Variants in SLCO5A1 observed in about 807,000 individuals in gnomAD.
SLCO5A1 encodes solute carrier organic anion transporter family member 5A1.
A neutral mutation model predicts 65.1 loss-of-function variants in SLCO5A1; 39 were observed. That is an observed-to-expected ratio of 0.60 (90% CI 0.46 to 0.78). SLCO5A1 has a LOEUF of 0.78. SLCO5A1 is among the 30% of genes least tolerant of loss of function. SLCO5A1 has a pLI of 0.00. For synonymous variants in SLCO5A1, 438 were observed against 415.7 expected (o/e 1.05, Z -0.65); for missense variants, 1,029 against 1,069.4 (o/e 0.96, Z 0.53).
At chr8:69,811,587 G>C (rs773377761) in intron 2 of SLCO5A1, among the ~76,000 whole-genome samples, 2 of 152,168 alleles carry the variant, frequency 1.3e-5, no homozygotes. Flanking sequence ...ACCCAAGCAA[G>C]AGTCGTCAAC....
intron 3 of SLCO5A1, among the ~76,000 whole-genome samples, chr8:69,756,167 T>C (rs1024055530): frequency 2.6e-5 from 4 of 152,198 alleles, no homozygotes; most frequent in Non-Finnish European, 4.4e-5. Flanking sequence ...CTCACACCTA[T>C]AATCCCAGCA....
At chr8:69,746,365 A>G (rs1157290316) in intron 4 of SLCO5A1, among the ~76,000 whole-genome samples, 1 of 152,228 alleles carries the variant, frequency 6.6e-6, no homozygotes, top group East Asian at 1.9e-4. Context: ...TCTTATATAA[A>G]AGTACATTTT....
chr8:69,735,521 G>A (rs912093041), intron 5 of SLCO5A1, among the ~76,000 whole-genome samples: 1 of 152,068 alleles, frequency 6.6e-6, no homozygotes, highest in Non-Finnish European at 1.5e-5. Context: ...CATATGCAGG[G>A]GCATGGATGG....
At chr8:69,795,019 T>A (rs1000351012) in intron 2 of SLCO5A1, among the ~76,000 whole-genome samples, 1 of 152,128 alleles carries the variant, frequency 6.6e-6, no homozygotes, top group East Asian at 1.9e-4. Context: ...GAGGGGATGG[T>A]GCTAAACCAT....
chr8:69,669,364 C>T lies in SLCO5A1; in HGVS notation c.*3505G>A, dbSNP rs999444738. The T allele has an allele frequency of 2.0e-5, 3 of 152,022 alleles. No individual in the cohort carries two copies. The highest frequency in any genetic ancestry group is 4.4e-5 in the Non-Finnish European group (3 of 68,018). 9.4% of individuals were successfully genotyped at this position (152,022 alleles called of 1,614,324 possible). ...TCTCACGATTTTATAGTCACCTTGC[C>T]TTTGTTAACCAAAAGCTATTGTATA... is the stretch of plus-strand genomic sequence containing the variant. On this transcript the variant is annotated 3_prime_UTR_variant, in exon 10 of 10. Transcript: ENST00000260126.
chr8:69,723,161 A>AT (rs201960104), intron 5 of SLCO5A1, among the ~76,000 whole-genome samples: 2,062 of 152,270 alleles, frequency 0.014, 47 homozygotes, highest in African/African-American at 0.046. Flanking sequence ...CATTAAAACT[A>AT]TTTTTTATTC....
At chr8:69,785,050 GAGAA>G (rs1030039846) in intron 2 of SLCO5A1, among the ~76,000 whole-genome samples, 9 of 150,494 alleles carry the variant, frequency 6.0e-5, no homozygotes, top group South Asian at 4.3e-4. Context: ...GAGAGAGAGA[GAGAA>G]AGGAAGAAAG....
rs1240710547 is a variant in SLCO5A1 at position 69,672,727 on chromosome 8, G to A, written c.*142C>T. 2 of 857,728 alleles carry A rather than the reference G, an allele frequency of 2.3e-6. No individual in the cohort carries two copies. The highest frequency in any genetic ancestry group is 1.7e-6 in the Non-Finnish European group (1 of 573,558). 53.1% of individuals were successfully genotyped at this position (857,728 alleles called of 1,614,324 possible). On this transcript the variant is annotated 3_prime_UTR_variant, in exon 10 of 10. Coordinates refer to ENST00000260126, the MANE Select transcript of SLCO5A1 (RefSeq NM_030958.3). Reference sequence around the variant, plus strand: ...GGTATCCAGCCCTCAATGAATAGCGGCTGTGTATACTGAGTTTTGTTGGTT... The same window carrying A: ...GGTATCCAGCCCTCAATGAATAGCGACTGTGTATACTGAGTTTTGTTGGTT...
At chr8:69,742,951 C>T (rs1816855817) in intron 4 of SLCO5A1, among the ~76,000 whole-genome samples, 1 of 152,032 alleles carries the variant, frequency 6.6e-6, no homozygotes, top group African/African-American at 2.4e-5. Context: ...CAGACACTTG[C>T]CACCATGCCT....
chr8:69,821,566 TG>T (rs1820644751), intron 2 of SLCO5A1, among the ~76,000 whole-genome samples: 1 of 151,934 alleles, frequency 6.6e-6, no homozygotes, highest in Non-Finnish European at 1.5e-5. Flanking sequence ...CCCAGCACTT[TG>T]GGAGGCTGAG....
At chr8:69,716,955 T>C (rs1586720099) in intron 5 of SLCO5A1, among the ~76,000 whole-genome samples, 1 of 152,192 alleles carries the variant, frequency 6.6e-6, no homozygotes, top group Middle Eastern at 3.4e-3. Context: ...AATTTTTGTA[T>C]TTTTTATGGA....
intron 5 of SLCO5A1, among the ~76,000 whole-genome samples, chr8:69,735,396 A>G (rs1816510547): frequency 6.6e-6 from 1 of 152,226 alleles, no homozygotes; most frequent in Admixed American, 6.5e-5. Context: ...ATTATTTACA[A>G]TAGCAAAGAC....
chr8:69,755,989 A>G (rs1198592611), intron 3 of SLCO5A1, among the ~76,000 whole-genome samples: 1 of 152,274 alleles, frequency 6.6e-6, no homozygotes, highest in Admixed American at 6.5e-5. Flanking sequence ...TATAAATTCA[A>G]TAGAAAAATA....
chr8:69,705,319 G>A, intron 5 of SLCO5A1, 90 bp from the exon 6 acceptor site: 1 of 1,252,240 alleles, frequency 8.0e-7, no homozygotes, highest in Admixed American at 2.3e-5. Context: ...TAGTACTGAG[G>A]TAAAAAATCA....
In SLCO5A1 at chr8:69,676,756, AGCCAGGGACTAAAGATGCCAT is replaced by A. The variant is rs1184655149; in HGVS notation, c.2025-104_2025-84del. Reference sequence around the variant, plus strand: ...GTCAAATCAAGTCGGCTTTGTGCAGAGCCAGGGACTAAAGATGCCATGCCAAAATATTTAATTCACTATTAT... The same window carrying A: ...GTCAAATCAAGTCGGCTTTGTGCAGAGCCAAAATATTTAATTCACTATTAT... On this transcript the variant is annotated intron_variant, in intron 8 of 9. Transcript: ENST00000260126. The A allele has an allele frequency of 2.5e-5, 30 of 1,177,744 alleles. No homozygotes were observed. In the Admixed American group the frequency reaches 5.3e-4, roughly 21 times the overall value. 73.0% of individuals were successfully genotyped at this position (1,177,744 alleles called of 1,614,324 possible). A position where few individuals can be genotyped will look rare whatever the true frequency, so the allele number is the denominator to read the frequency against.
rs184915027 is a variant in SLCO5A1 at position 69,767,627 on chromosome 8, C to T, written c.908-5752G>A. 3.9e-5 allele frequency among the ~76,000 whole-genome samples: 6 copies of T among 152,188 alleles called. No individual in the cohort carries two copies. The East Asian group carries it at 9.7e-4, about 25-fold the overall frequency. On this transcript the variant is annotated intron_variant, in intron 2 of 9. Coordinates refer to ENST00000260126, the MANE Select transcript of SLCO5A1 (RefSeq NM_030958.3). ...CTGTTTTAGGCCAGGCATGGTGGCT[C>T]ATGCCTGTAATCCCAGCATTTTGGG...
At chr8:69,784,928 AAGAAAG>A (rs1182163843) in intron 2 of SLCO5A1, among the ~76,000 whole-genome samples, 7 of 143,876 alleles carry the variant, frequency 4.9e-5, no homozygotes, top group Non-Finnish European at 6.0e-5. Context: ...GAAAGAAAGA[AAGAAAG>A]AAAGAAAGAA....
At chr8:69,822,810 T>C (rs544145465) in intron 2 of SLCO5A1, among the ~76,000 whole-genome samples, 2 of 152,182 alleles carry the variant, frequency 1.3e-5, no homozygotes, top group African/African-American at 2.4e-5. Flanking sequence ...CCATGACCAG[T>C]TGTTGGTAGA....
At chr8:69,834,751 CA>C (rs1821349076) in intron 1 of SLCO5A1, 102 bp downstream of exon 1, 1 of 78,562 alleles carries the variant, frequency 1.3e-5, no homozygotes, top group African/African-American at 5.4e-5. Context: ...CACACACACA[CA>C]CACACACACA....
Sources: gnomAD v4.1 joint callset for allele counts (sites outside exome capture counted in the v4.1 genomes callset) on GRCh38, gnomAD v4.1.1 for gene constraint, MANE v1.5 for transcripts, NCBI Gene and HGNC (gene_info 2026-07-23, HGNC 2026-07-21) for gene names.